The following VSTM4 variants were observed in gnomAD, a reference collection of about 807,000 sequenced individuals.
VSTM4 encodes the protein V-set and transmembrane domain-containing protein 4.
VSTM4 carries 20 observed loss-of-function variants against 36.4 expected under a neutral mutation model. The observed-to-expected ratio is 0.55, with a 90% confidence interval of 0.39 to 0.80. The LOEUF is 0.80. VSTM4 is among the 30% of genes least tolerant of loss of function. VSTM4 has a pLI of 0.00. For missense variants in VSTM4, 392 were observed against 404.5 expected, an observed-to-expected ratio of 0.97 and a Z score of 0.26; for synonymous variants, 182 against 173.9, an observed-to-expected ratio of 1.05 and a Z score of -0.37.
At chr10:49,086,627 C>T (rs1389870286) in intron 2 of VSTM4, among the ~76,000 whole-genome samples, 1 of 152,062 alleles carries the variant, frequency 6.6e-6, no homozygotes. Flanking sequence ...GAGTCTGGGC[C>T]CACGGAAAGT....
At chr10:49,040,434 C>T (rs1364989269) in intron 7 of VSTM4, among the ~76,000 whole-genome samples, 2 of 152,060 alleles carry the variant, frequency 1.3e-5, no homozygotes, top group Admixed American at 1.3e-4. Context: ...AGGCATGTGC[C>T]ACCATGCCCG....
rs1000238088 is a variant in VSTM4 at position 49,014,319 on chromosome 10, T to A, written c.*5331A>T. On this transcript the variant is annotated 3_prime_UTR_variant, in exon 8 of 8. Transcript: ENST00000332853. ...AGCTGTAAACATCTCTAATTATATT[T>A]AAAACTGTAGAGTGCAGTACATTAA... is the stretch of plus-strand genomic sequence containing the variant. 6.6e-6 allele frequency: 1 copy of A among 152,208 alleles called. No homozygotes were observed. The highest frequency in any genetic ancestry group is 1.9e-4 in the East Asian group (1 of 5,200). 9.4% of individuals were successfully genotyped at this position (152,208 alleles called of 1,614,324 possible).
chr10:49,068,463 G>A (rs1282605763), intron 4 of VSTM4, among the ~76,000 whole-genome samples: 2 of 152,130 alleles, frequency 1.3e-5, no homozygotes, highest in Admixed American at 6.5e-5. Context: ...TACAGGAGAT[G>A]CACCCCTGCC....
chr10:49,050,983 C>A (rs1371649535), intron 5 of VSTM4, among the ~76,000 whole-genome samples: 1 of 152,172 alleles, frequency 6.6e-6, no homozygotes, highest in Admixed American at 6.5e-5. Flanking sequence ...CATGCACAGC[C>A]TCCCCCATGA....
chr10:49,050,392 T>C (rs562973866), intron 5 of VSTM4, among the ~76,000 whole-genome samples: 6 of 152,158 alleles, frequency 3.9e-5, no homozygotes, highest in Admixed American at 6.5e-5. Context: ...TAAATGCAAA[T>C]AAATATACAC....
At chr10:49,105,021 A>C (rs1327150058) in intron 2 of VSTM4, among the ~76,000 whole-genome samples, 1 of 1,112 alleles carries the variant, frequency 9.0e-4, no homozygotes, top group African/African-American at 3.0e-3. Flanking sequence ...AGAGAGATAC[A>C]GAGGGAGAGA....
At chr10:49,108,030 G>C in intron 1 of VSTM4, 35 bp from the exon 2 acceptor site, 1 of 1,520,528 alleles carries the variant, frequency 6.6e-7, no homozygotes, top group Non-Finnish European at 8.9e-7. Context: ...AGGATGAGGA[G>C]GGCCCCAAGT....
chr10:49,092,152 T>C (rs1366865011), intron 2 of VSTM4, among the ~76,000 whole-genome samples: 1 of 152,216 alleles, frequency 6.6e-6, no homozygotes, highest in African/African-American at 2.4e-5. Context: ...TCTAAAGCCA[T>C]ATTTTTAAAC....
intron 2 of VSTM4, among the ~76,000 whole-genome samples, chr10:49,097,160 A>G (rs1163444594): frequency 6.6e-6 from 1 of 152,176 alleles, no homozygotes; most frequent in Non-Finnish European, 1.5e-5. Flanking sequence ...CGTGGCACTC[A>G]GGGCTACAGC....
At chr10:49,044,944 T>C (rs1218241767) in intron 7 of VSTM4, among the ~76,000 whole-genome samples, 1 of 152,220 alleles carries the variant, frequency 6.6e-6, no homozygotes, top group East Asian at 1.9e-4. Flanking sequence ...CACCAAACAT[T>C]GAAAAGATAA....
intron 1 of VSTM4, among the ~76,000 whole-genome samples, chr10:49,111,740 C>A (rs77566760): frequency 0.04 from 6,093 of 152,236 alleles, 223 homozygotes; most frequent in Non-Finnish European, 0.044. Flanking sequence ...AAGAAGAAAA[C>A]AACATTCCTG....
At chr10:49,022,946 G>A (rs189144360) in intron 7 of VSTM4, among the ~76,000 whole-genome samples, 1 of 152,210 alleles carries the variant, frequency 6.6e-6, no homozygotes, top group East Asian at 1.9e-4. Context: ...CTGATGTGTT[G>A]TTTTCATACA....
chr10:49,080,249 A>G (rs1844254856), intron 3 of VSTM4, among the ~76,000 whole-genome samples: 1 of 152,256 alleles, frequency 6.6e-6, no homozygotes, highest in Non-Finnish European at 1.5e-5. Context: ...CTTAAGCTGA[A>G]AAAGCAAGCC....
intron 7 of VSTM4, among the ~76,000 whole-genome samples, chr10:49,022,290 G>GT (rs773921669): frequency 2.6e-5 from 4 of 152,038 alleles, no homozygotes; most frequent in Non-Finnish European, 5.9e-5. Flanking sequence ...GTTGTTGTTT[G>GT]ATGGACTTTT....
At chr10:49,093,059 C>T (rs981313846) in intron 2 of VSTM4, among the ~76,000 whole-genome samples, 1 of 152,166 alleles carries the variant, frequency 6.6e-6, no homozygotes, top group African/African-American at 2.4e-5. Context: ...ATAAGATATT[C>T]TCCAAGCGCA....
chr10:49,075,212 G>A (rs909423119), intron 4 of VSTM4, among the ~76,000 whole-genome samples: 28 of 152,368 alleles, frequency 1.8e-4, no homozygotes, highest in Middle Eastern at 3.4e-3. Context: ...ACATGTCCCA[G>A]TCTGCCCTTC....
intron 5 of VSTM4, among the ~76,000 whole-genome samples, chr10:49,054,644 A>G (rs1170960095): frequency 6.6e-6 from 1 of 152,230 alleles, no homozygotes; most frequent in East Asian, 1.9e-4. Context: ...TTTATGCAGG[A>G]GGAACAGCAT....
chr10:49,090,504 T>C (rs770453301), intron 2 of VSTM4, among the ~76,000 whole-genome samples: 3 of 152,190 alleles, frequency 2.0e-5, no homozygotes, highest in Admixed American at 6.5e-5. Context: ...GATGGTGGAC[T>C]CTGCTGCTCT....
At chr10:49,053,729 A>T (rs894371225) in intron 5 of VSTM4, among the ~76,000 whole-genome samples, 3 of 152,168 alleles carry the variant, frequency 2.0e-5, no homozygotes, top group African/African-American at 7.2e-5. Context: ...TAGGGCTGCA[A>T]GTTTCAACTT....
Sources: gnomAD v4.1 joint callset for allele counts (sites outside exome capture counted in the v4.1 genomes callset) on GRCh38, gnomAD v4.1.1 for gene constraint, MANE v1.5 for transcripts, NCBI Gene and HGNC (gene_info 2026-07-23, HGNC 2026-07-21) for gene names.